The following WASHC2A variants were observed in gnomAD, a reference collection of about 807,000 sequenced individuals.
The protein encoded by WASHC2A is WASH complex subunit 2A, also known as WASH complex subunit FAM21A.
Under a neutral mutation model 140.3 loss-of-function variants are expected in WASHC2A, and 82 were observed. The observed-to-expected ratio is 0.58, with a 90% CI of 0.49 to 0.70. The LOEUF (loss-of-function observed/expected upper bound fraction) is 0.70. Among genes scored for constraint, WASHC2A ranks in the 30% least tolerant of loss-of-function variants. WASHC2A has a pLI of 0.00. For missense variants in WASHC2A, 985 were observed against 1,521.8 expected, an observed-to-expected ratio of 0.65 and a Z score of 5.87; for synonymous variants, 340 against 560.8, an observed-to-expected ratio of 0.61 and a Z score of 5.56.
intron 5 of WASHC2A, among the ~76,000 whole-genome samples, chr10:50,081,687 G>A (rs569589594): frequency 1.6e-4 from 24 of 151,410 alleles, no homozygotes; most frequent in African/African-American, 5.3e-4. Flanking sequence ...AGGCTGGAGT[G>A]CATGGCACGA....
chr10:50,131,647 A>T (rs1172967246), intron 30 of WASHC2A, among the ~76,000 whole-genome samples: 1 of 152,200 alleles, frequency 6.6e-6, no homozygotes, highest in Non-Finnish European at 1.5e-5. Context: ...GAGAACCCTA[A>T]ATATTGGACT....
Position 50,121,561 on chromosome 10 carries a change from T to C in WASHC2A, c.2478+1792T>C, listed in dbSNP as rs1288699862. On this transcript the variant is annotated intron_variant, in intron 23 of 30. Transcript: ENST00000282633. ...GGCACCCACCACCATGCCCAGCTAA[T>C]TTTTGTATTTTTAGTAGAGACAGGG... 1.1e-3 allele frequency among the ~76,000 whole-genome samples: 165 copies of C among 150,874 alleles called. 2 individuals are homozygous for C. The highest frequency in any genetic ancestry group is 3.9e-3 in the African/African-American group (156 of 40,248).
intron 23 of WASHC2A, among the ~76,000 whole-genome samples, chr10:50,124,860 A>C (rs1419542113): frequency 1.6e-4 from 22 of 138,576 alleles, no homozygotes; most frequent in African/African-American, 5.2e-4. Context: ...ATTATCTCTA[A>C]AGCTTGTGCA....
At chr10:50,068,985 T>C (rs1379976933) in intron 2 of WASHC2A, among the ~76,000 whole-genome samples, 1 of 144,822 alleles carries the variant, frequency 6.9e-6, no homozygotes, top group African/African-American at 2.6e-5. Flanking sequence ...CCCAAAGTAT[T>C]GGATTACAAG....
intron 13 of WASHC2A, among the ~76,000 whole-genome samples, 163 bp downstream of exon 13, chr10:50,094,080 C>G (rs1457353594): frequency 1.3e-5 from 2 of 152,028 alleles, no homozygotes; most frequent in African/African-American, 4.8e-5. Context: ...TTCACTAATT[C>G]ATGTCTTGGA....
At chr10:50,116,178 TC>T (rs1285023036) in intron 21 of WASHC2A, among the ~76,000 whole-genome samples, 1 of 127,412 alleles carries the variant, frequency 7.8e-6, no homozygotes, top group Non-Finnish European at 1.6e-5. Context: ...GAGCTTGTCT[TC>T]AAGAAGATTA....
Position 50,126,093 on chromosome 10 carries a change from T to A in WASHC2A, c.2725T>A (p.Ser909Thr). The A allele has an allele frequency of 1.2e-6, 2 of 1,613,910 alleles. No individual in the cohort carries two copies. ...AAAGAGAGTAGTGAAAAAAGACCAC[T>A]CTGTTGACTCTTTCAAAAACCAGAA... ...EKKRVVKKDH[S>T]VDSFKNQKHP... The change falls in exon 26 of 31, where the codon TCT becomes ACT. Residue 909 changes from serine (S) to threonine (T), a missense_variant. Physicochemically the swap from Ser to Thr is moderately conservative, Grantham distance 58. Coordinates refer to ENST00000282633, the MANE Select transcript of WASHC2A (RefSeq NM_001005751.3).
intron 3 of WASHC2A, among the ~76,000 whole-genome samples, chr10:50,077,237 T>C (rs1326078725): frequency 2.8e-4 from 42 of 152,076 alleles, no homozygotes; most frequent in Non-Finnish European, 4.3e-4. Context: ...GAGGTTGCAG[T>C]GAGCCAAGAT....
intron 23 of WASHC2A, among the ~76,000 whole-genome samples, chr10:50,123,986 T>A (rs1216820128): frequency 2.0e-5 from 3 of 152,260 alleles, no homozygotes; most frequent in Admixed American, 2.0e-4. Context: ...TTGTGAAATA[T>A]TTAACATTAC....
Position 50,095,033 on chromosome 10 carries a change from T to G in WASHC2A, c.1181-115T>G, listed in dbSNP as rs1292283111. ...TTAAAATGACTTGTTCAGGAAAAAG[T>G]GGTTTCAAAAGGTCTGATACTAGCT... On this transcript the variant is annotated intron_variant, in intron 13 of 30. Coordinates refer to ENST00000282633, the MANE Select transcript of WASHC2A (RefSeq NM_001005751.3). The G allele has an allele frequency of 6.9e-5, 108 of 1,575,632 alleles. 1 individual carries two copies. Among genetic ancestry groups the G allele is most frequent in the Non-Finnish European group, 9.1e-5 (106 of 1,160,198 alleles).
intron 17 of WASHC2A, among the ~76,000 whole-genome samples, chr10:50,100,715 T>A (rs1373187346): frequency 6.6e-6 from 1 of 152,224 alleles, no homozygotes; most frequent in Non-Finnish European, 1.5e-5. Context: ...TCTCACTAAC[T>A]AGACCATGCC....
chr10:50,095,118 A>G, intron 13 of WASHC2A, 30 bp from the exon 14 acceptor site: 1 of 1,557,932 alleles, frequency 6.4e-7, no homozygotes, highest in Non-Finnish European at 8.8e-7. Context: ...TTCCCTTGTA[A>G]AATGGTTACC....
At position 50,132,912 on chromosome 10, in the gene WASHC2A, T is replaced by C; in HGVS notation, c.3993T>C (p.Phe1331=). The C allele has an allele frequency of 6.2e-7, 1 of 1,612,036 alleles. No homozygotes were observed. The highest frequency in any genetic ancestry group is 8.5e-7 in the Non-Finnish European group (1 of 1,179,846). ...TTGAACACAAGGTGTCCAACATCTT[T>C]GATGATCCCCTGAATGCCTTTGGAG... ...PRFEHKVSNI[F]DDPLNAFGGQ Residue 1331 remains phenylalanine (F), a synonymous_variant, in exon 31 of 31, where the codon TTT becomes TTC. Coordinates refer to ENST00000282633, the MANE Select transcript of WASHC2A (RefSeq NM_001005751.3).
Position 50,082,829 on chromosome 10 carries a change from G to A in WASHC2A, c.529-1243G>A, listed in dbSNP as rs868935457. On this transcript the variant is annotated intron_variant, in intron 5 of 30. Transcript: ENST00000282633. ...TGGTGTGGGACTGACAGGAGTAGAC[G>A]GCTGACATGGGCAGATCTCCAGCAT... Among the ~76,000 whole-genome samples the A allele has an allele frequency of 5.4e-3, 740 of 135,940 alleles. 21 individuals are homozygous for A. Among genetic ancestry groups the A allele is most frequent in the African/African-American group, 0.02 (706 of 35,556 alleles). 89.2% of individuals were successfully genotyped at this position (135,940 alleles called of 152,430 possible).
In WASHC2A at chr10:50,095,140, C is replaced by A; in HGVS notation, c.1181-8C>A. The A allele has an allele frequency of 2.1e-5, 33 of 1,564,354 alleles. No individual in the cohort carries two copies. The highest frequency in any genetic ancestry group is 2.9e-5 in the Non-Finnish European group (33 of 1,150,582). On this transcript the variant is annotated splice_region_variant and splice_polypyrimidine_tract_variant and intron_variant, in intron 13 of 30. Transcript: ENST00000282633. ...GTAAAATGGTTACCCCTTGCTTTCT[C>A]ATTCTAGAGTCTTCATCATCCAAAC...
chr10:50,098,477 A>C (rs1380818868), intron 16 of WASHC2A, among the ~76,000 whole-genome samples: 5 of 125,240 alleles, frequency 4.0e-5, no homozygotes, highest in Non-Finnish European at 7.2e-5. Context: ...TGATGCTGCC[A>C]CTGATCTGAC....
chr10:50,123,075 TAA>T (rs551046816), intron 23 of WASHC2A, among the ~76,000 whole-genome samples: 6 of 120,336 alleles, frequency 5.0e-5, no homozygotes, highest in African/African-American at 6.8e-5. Context: ...AGGACCATAA[TAA>T]AAAAAAAAAA....
chr10:50,125,407 T>A lies in WASHC2A; in HGVS notation c.2646T>A (p.Asp882Glu), dbSNP rs1843345951. 2 of 1,608,922 alleles carry A rather than the reference T, an allele frequency of 1.2e-6. No individual in the cohort carries two copies. Among genetic ancestry groups the A allele is most frequent in the Non-Finnish European group, 1.7e-6 (2 of 1,177,960 alleles). Residue 882 changes from aspartate (D) to glutamate (E), a missense_variant, in exon 25 of 31, where the codon GAT becomes GAA. Asp to Glu is a conservative substitution (Grantham distance 45, BLOSUM62 2). Coordinates refer to ENST00000282633, the MANE Select transcript of WASHC2A (RefSeq NM_001005751.3). Reference protein sequence around the residue: ...EPSVGSLFGDDEDDDLFSSAK... With the variant: ...EPSVGSLFGDEEDDDLFSSAK... ...GTGTTGGGAGCCTGTTTGGGGATGA[T>A]GAAGATGATGATCTTTTCAGCTCTG...
intron 15 of WASHC2A, 77 bp from the exon 16 acceptor site, chr10:50,097,598 A>G: frequency 6.1e-6 from 7 of 1,140,364 alleles, no homozygotes; most frequent in Non-Finnish European, 8.6e-6. Context: ...TTTGGGAGGG[A>G]AGAATTTTTT....
Sources: gnomAD v4.1 joint callset for allele counts (sites outside exome capture counted in the v4.1 genomes callset) on GRCh38, gnomAD v4.1.1 for gene constraint, MANE v1.5 for transcripts, NCBI Gene and HGNC (gene_info 2026-07-23, HGNC 2026-07-21) for gene names.